SUFU: variants seen among roughly 807,000 people sequenced by gnomAD.
SUFU encodes SUFU negative regulator of hedgehog signaling.
In SUFU, 7 loss-of-function variants were observed where a neutral mutation model predicts 58.9. The ratio of observed to expected loss-of-function variants is 0.12; its 90% confidence interval spans 0.07 to 0.22. The LOEUF is 0.22. SUFU is among the 10% of genes least tolerant of loss of function. The pLI, the probability that SUFU is intolerant of heterozygous loss-of-function variation, is 1.00. For missense variants in SUFU, 451 were observed against 641.3 expected (o/e 0.70, Z 3.20); for synonymous variants, 232 against 254.8 (o/e 0.91, Z 0.85).
rs144206555 is a variant in SUFU at position 102,625,417 on chromosome 10, A to G, written c.1297-1758A>G. ...TGGTCAGAGTTATTTTGTTCCTGCT[A>G]TGGGCTTGGAGCCTGGGAAGGCTGG... On this transcript the variant is annotated intron_variant, in intron 10 of 11. Transcript: ENST00000369902. The surrounding 1 kb of genome is among the most constrained non-coding windows in gnomAD (Gnocchi z 4.7). Among the ~76,000 whole-genome samples the G allele has an allele frequency of 3.1e-3, 479 of 152,188 alleles. 4 individuals carry two copies. Among genetic ancestry groups the G allele is most frequent in the African/African-American group, 0.011 (452 of 41,510 alleles).
At chr10:102,573,317 C>T (rs1311098190) in intron 3 of SUFU, 1 of 517,442 alleles carries the variant, frequency 1.9e-6, no homozygotes, top group Non-Finnish European at 3.5e-6. Context: ...AAAGAAAAAA[C>T]AAAACAAAAC....
At chr10:102,557,230 TAA>T (rs1478018952) in intron 3 of SUFU, among the ~76,000 whole-genome samples, 99 of 120,772 alleles carry the variant, frequency 8.2e-4, no homozygotes, top group Admixed American at 8.4e-4. Context: ...ACCCTGCCTC[TAA>T]AAAAAAAAAA....
At position 102,593,644 on chromosome 10, in the gene SUFU, T is replaced by C; in HGVS notation, c.606T>C (p.Gly202=). ...TCTATCCTGGGCCTCAGATCGTTGG[T>C]GTCTGCACTGAAGAGCTACACTCAG... ...FGVVTFLQIV[G]VCTEELHSAQ... The change falls in exon 5 of 12, where the codon GGT becomes GGC. Residue 202 remains glycine (G), a synonymous_variant. Coordinates refer to ENST00000369902, the MANE Select transcript of SUFU (RefSeq NM_016169.4). 6.2e-7 allele frequency: 1 copy of C among 1,614,190 alleles called. No homozygotes were observed. The highest frequency in any genetic ancestry group is 1.1e-5 in the South Asian group (1 of 91,084).
At chr10:102,508,698 G>A (rs974553178) in intron 1 of SUFU, among the ~76,000 whole-genome samples, 4 of 152,210 alleles carry the variant, frequency 2.6e-5, no homozygotes, top group Non-Finnish European at 4.4e-5. Flanking sequence ...GGAATTAGCT[G>A]TCTAAGAGGC....
chr10:102,619,130 G>A lies in SUFU; in HGVS notation c.1296+1702G>A. Reference sequence around the variant, plus strand: ...AACGTCTTTCTGCCCTGAGGAGAGGGTAGTCAGCATCTCCAATTTTCAGCA... The same window carrying A: ...AACGTCTTTCTGCCCTGAGGAGAGGATAGTCAGCATCTCCAATTTTCAGCA... On this transcript the variant is annotated intron_variant, in intron 10 of 11. Coordinates refer to ENST00000369902, the MANE Select transcript of SUFU (RefSeq NM_016169.4). The surrounding 1 kb of genome is among the most constrained non-coding windows in gnomAD (Gnocchi z 4.2). 6.2e-7 allele frequency: 1 copy of A among 1,612,484 alleles called. No individual in the cohort carries two copies. The highest frequency in any genetic ancestry group is 8.5e-7 in the Non-Finnish European group (1 of 1,179,814).
At chr10:102,615,807 G>A (rs776686837) in intron 9 of SUFU, among the ~76,000 whole-genome samples, 22 of 152,170 alleles carry the variant, frequency 1.4e-4, no homozygotes, top group African/African-American at 2.2e-4. Flanking sequence ...GCCCAGAGCA[G>A]CAACAGTCCC....
intron 2 of SUFU, among the ~76,000 whole-genome samples, chr10:102,532,864 G>A (rs943504122): frequency 6.6e-6 from 1 of 152,198 alleles, no homozygotes; most frequent in African/African-American, 2.4e-5. Context: ...ATTGGGGATA[G>A]GGATGGGCTT....
intron 6 of SUFU, among the ~76,000 whole-genome samples, chr10:102,594,438 G>T (rs2063439287): frequency 6.6e-6 from 1 of 152,014 alleles, no homozygotes; most frequent in Admixed American, 6.6e-5. Context: ...GGCCACCACC[G>T]CCCTGTACCA....
Position 102,556,855 on chromosome 10 carries a change from C to T in SUFU, c.454+6749C>T, listed in dbSNP as rs554681101. ...TTGTAATCCCAGCACTTTGGGAGCC[C>T]GAGACAGGCAGATCACTTCAGGTTA... On this transcript the variant is annotated intron_variant, in intron 3 of 11. Transcript: ENST00000369902. Among the ~76,000 whole-genome samples the T allele has an allele frequency of 1.4e-3, 219 of 151,790 alleles. 3 individuals are homozygous for T. In the South Asian group the frequency reaches 0.043, roughly 30 times the overall value.
chr10:102,540,026 A>G (rs1004798563), intron 2 of SUFU, among the ~76,000 whole-genome samples: 5 of 152,244 alleles, frequency 3.3e-5, no homozygotes, highest in African/African-American at 1.2e-4. Flanking sequence ...GAGAACCTTG[A>G]GTTTGGCTTC....
chr10:102,563,794 A>G (rs1399493248), intron 3 of SUFU, among the ~76,000 whole-genome samples: 7 of 151,732 alleles, frequency 4.6e-5, no homozygotes, highest in Non-Finnish European at 7.4e-5. Flanking sequence ...TGTTAAATTA[A>G]GATGTACTTG....
chr10:102,529,044 A>G (rs1342494917), intron 2 of SUFU, among the ~76,000 whole-genome samples: 1 of 104,738 alleles, frequency 9.5e-6, no homozygotes, highest in Non-Finnish European at 2.0e-5. Flanking sequence ...TTTTGTTTTT[A>G]TAACTGGAGG....
At chr10:102,542,995 T>G (rs2062820098) in intron 2 of SUFU, among the ~76,000 whole-genome samples, 1 of 152,254 alleles carries the variant, frequency 6.6e-6, no homozygotes, top group Non-Finnish European at 1.5e-5. Flanking sequence ...TACAGCAGCA[T>G]TTTCTTACAG....
chr10:102,554,128 C>T (rs775330753), intron 3 of SUFU, among the ~76,000 whole-genome samples: 6 of 151,942 alleles, frequency 3.9e-5, no homozygotes, highest in South Asian at 2.1e-4. Context: ...ACAGGTCAGG[C>T]GCAGTGGCTC....
intron 3 of SUFU, among the ~76,000 whole-genome samples, chr10:102,559,408 G>C (rs1288213928): frequency 6.6e-6 from 1 of 152,234 alleles, no homozygotes; most frequent in Non-Finnish European, 1.5e-5. Context: ...TGGGATCAGA[G>C]GAACCTTGCC....
intron 3 of SUFU, among the ~76,000 whole-genome samples, chr10:102,558,399 CAG>C (rs781235817): frequency 3.3e-5 from 5 of 152,156 alleles, no homozygotes; most frequent in Non-Finnish European, 7.3e-5. Flanking sequence ...TTTGTAGAGA[CAG>C]GGTCTCGCTG....
chr10:102,559,693 C>G (rs1371438103), intron 3 of SUFU, among the ~76,000 whole-genome samples: 2 of 152,166 alleles, frequency 1.3e-5, no homozygotes, highest in African/African-American at 4.8e-5. Context: ...TCCCCTGCCC[C>G]CCATCCTCTG....
Position 102,632,876 on chromosome 10 carries a change from T to A in SUFU, c.*2721T>A. 4.3e-6 allele frequency: 1 copy of A among 233,560 alleles called. No homozygotes were observed. Among genetic ancestry groups the A allele is most frequent in the Non-Finnish European group, 8.5e-6 (1 of 118,276 alleles). The allele number at this position is 233,560 out of a possible 1,614,324, so 14.5% of individuals were successfully genotyped here. ...GCTGCAGGAGGACTGCAGACTCAGC[T>A]GCAATTCTGAGGGGGGTTTGGGAGG... is the stretch of plus-strand genomic sequence containing the variant. On this transcript the variant is annotated 3_prime_UTR_variant, in exon 12 of 12. Transcript: ENST00000369902.
chr10:102,586,449 G>T (rs55721263), intron 3 of SUFU, among the ~76,000 whole-genome samples: 1 of 151,904 alleles, frequency 6.6e-6, no homozygotes, highest in Non-Finnish European at 1.5e-5. Context: ...CGAGGCGGGT[G>T]GATCATGAGG....
Sources: gnomAD v4.1 joint callset for allele counts (sites outside exome capture counted in the v4.1 genomes callset) on GRCh38, gnomAD v4.1.1 for gene constraint, Gnocchi (gnomAD v3.1) non-coding constraint, MANE v1.5 for transcripts, NCBI Gene and HGNC (gene_info 2026-07-23, HGNC 2026-07-21) for gene names.